Variants in ENSA observed in about 807,000 individuals in gnomAD.
ENSA encodes the protein alpha-endosulfine.
In ENSA, 7 loss-of-function variants were observed where a neutral mutation model predicts 16.8. The observed-to-expected ratio is 0.42, with a 90% CI of 0.24 to 0.78. The LOEUF is 0.78. Ranked by LOEUF, ENSA falls within the 30% of genes least tolerant of loss-of-function variation. The pLI is 0.29. For synonymous variants in ENSA, 58 were observed against 53.4 expected, an observed-to-expected ratio of 1.09 and a Z score of -0.37; for missense variants, 87 against 142.3, an observed-to-expected ratio of 0.61 and a Z score of 1.98.
chr1:150,622,733 G>T lies in ENSA; in HGVS notation c.*111C>A. On this transcript the variant is annotated 3_prime_UTR_variant, in exon 4 of 4. Coordinates refer to ENST00000369014, the MANE Select transcript of ENSA (RefSeq NM_004436.4). ...TTCTGCCTCTCCAGCCCACACCCGA[G>T]CCACCTCCTGACCCCTGGCTGCAAA... 8.0e-7 allele frequency: 1 copy of T among 1,252,862 alleles called. No individual in the cohort carries two copies. The allele number at this position is 1,252,862 out of a possible 1,614,324, so 77.6% of individuals were successfully genotyped here. A position where few individuals can be genotyped will look rare whatever the true frequency, so the allele number is the denominator to read the frequency against.
Position 150,625,780 on chromosome 1 carries a change from T to G in ENSA, c.212A>C (p.Asn71Thr). 6.2e-7 allele frequency: 1 copy of G among 1,610,412 alleles called. No homozygotes were observed. The highest frequency in any genetic ancestry group is 8.5e-7 in the Non-Finnish European group (1 of 1,178,066). ...ATTCTTCATCTTGGCTTTGGCCATG[T>G]TGTAGTCTCCTGAGTCAAAGTACTT... ...GQKYFDSGDY[N>T]MAKAKMKNKQ... Residue 71 changes from asparagine (N) to threonine (T), a missense_variant, in exon 3 of 4, where the codon AAC (asparagine) becomes ACC (threonine). Physicochemically the swap from Asn to Thr is moderately conservative, Grantham distance 65. Coordinates refer to ENST00000369014, the MANE Select transcript of ENSA (RefSeq NM_004436.4).
At chr1:150,628,960 T>C in intron 1 of ENSA, 1 of 1,265,132 alleles carries the variant, frequency 7.9e-7, no homozygotes, top group Non-Finnish European at 1.1e-6. Context: ...ACTACACTTC[T>C]CCCCTCCCCC....
chr1:150,628,837 T>C (rs942028495), intron 1 of ENSA, among the ~76,000 whole-genome samples: 1 of 152,168 alleles, frequency 6.6e-6, no homozygotes, highest in Non-Finnish European at 1.5e-5. Flanking sequence ...TGTTTGGAAC[T>C]CTAGCCCTCT....
chr1:150,628,129 T>C (rs1571016130), intron 1 of ENSA, among the ~76,000 whole-genome samples: 1 of 152,366 alleles, frequency 6.6e-6, no homozygotes, highest in South Asian at 2.1e-4. Context: ...AAACCCCGTC[T>C]CTACAACAAC....
Position 150,622,833 on chromosome 1 carries a change from C to G in ENSA, c.*11G>C. 1.3e-6 allele frequency: 2 copies of G among 1,560,036 alleles called. No homozygotes were observed. The highest frequency in any genetic ancestry group is 1.7e-6 in the Non-Finnish European group (2 of 1,152,000). On this transcript the variant is annotated 3_prime_UTR_variant, in exon 4 of 4. Coordinates refer to ENST00000369014, the MANE Select transcript of ENSA (RefSeq NM_004436.4). ...GAAGCGTCTCAGGATCTGGCAGAGC[C>G]CCGGGCAGCATCATTCAACTTGGCC...
In ENSA at chr1:150,622,684, G is replaced by T. The variant is rs1649044162; in HGVS notation, c.*160C>A. The T allele has an allele frequency of 8.1e-6, 5 of 615,908 alleles. No individual in the cohort carries two copies. Among genetic ancestry groups the T allele is most frequent in the Non-Finnish European group, 1.3e-5 (5 of 375,894 alleles). 38.2% of individuals were successfully genotyped at this position (615,908 alleles called of 1,614,324 possible). ...GTGCTCAGCCCAAGGGGCTCCATGTGCTGGGACACCAACAGGAAAGGGCTT... is the reference window on the plus strand; with the variant it reads ...GTGCTCAGCCCAAGGGGCTCCATGTTCTGGGACACCAACAGGAAAGGGCTT... On this transcript the variant is annotated 3_prime_UTR_variant, in exon 4 of 4. Coordinates refer to ENST00000369014, the MANE Select transcript of ENSA (RefSeq NM_004436.4).
chr1:150,623,576 GA>G (rs1215322448), intron 3 of ENSA: 1 of 985,020 alleles, frequency 1.0e-6, no homozygotes, highest in African/African-American at 1.8e-5. Flanking sequence ...AGACAGAAAA[GA>G]AAAAAAGTAC....
intron 1 of ENSA, 31 bp downstream of exon 1, chr1:150,629,383 A>AGCTC (rs766844905): frequency 9.3e-6 from 15 of 1,607,288 alleles, no homozygotes; most frequent in Admixed American, 6.7e-5. Flanking sequence ...CGGTCTCCCC[A>AGCTC]GCTCGCCCGC....
intron 1 of ENSA, 57 bp downstream of exon 1, chr1:150,629,357 G>A (rs587759689): frequency 1.3e-6 from 2 of 1,590,758 alleles, no homozygotes; most frequent in East Asian, 2.2e-5. Flanking sequence ...GTGGGAGACC[G>A]TCTCCCGCCC....
chr1:150,625,580 C>T (rs1649243547), intron 3 of ENSA, 62 bp downstream of exon 3: 31 of 1,483,102 alleles, frequency 2.1e-5, no homozygotes, highest in South Asian at 1.8e-4. Flanking sequence ...CATTTCATCC[C>T]TGCCTATAAT....
At chr1:150,626,370 C>G in intron 2 of ENSA, 2 of 1,013,016 alleles carry the variant, frequency 2.0e-6, no homozygotes, top group Non-Finnish European at 3.1e-6. Context: ...CTGTGACAGC[C>G]TGCCCACGCC....
In ENSA at chr1:150,622,591, A is replaced by T; in HGVS notation, c.*253T>A. Reference sequence around the variant, plus strand: ...CTTTCAACCCCACCCCCACCCCCAGAATTTCATTGATATTTCTCCCAACTG... The same window carrying T: ...CTTTCAACCCCACCCCCACCCCCAGTATTTCATTGATATTTCTCCCAACTG... On this transcript the variant is annotated 3_prime_UTR_variant, in exon 4 of 4. Coordinates refer to ENST00000369014, the MANE Select transcript of ENSA (RefSeq NM_004436.4). 1 of 75,854 alleles carries T rather than the reference A, an allele frequency of 1.3e-5. No homozygotes were observed. The highest frequency in any genetic ancestry group is 4.1e-4 in the East Asian group (1 of 2,420). The allele number at this position is 75,854 out of a possible 1,614,324, so 4.7% of individuals were successfully genotyped here.
chr1:150,622,950 A>T, intron 3 of ENSA, 91 bp from the exon 4 acceptor site: 1 of 1,448,952 alleles, frequency 6.9e-7, no homozygotes, highest in Non-Finnish European at 9.3e-7. Context: ...TCTCTACCCC[A>T]TGATTCCTCC....
At chr1:150,628,752 G>T (rs1276200264) in intron 1 of ENSA, among the ~76,000 whole-genome samples, 10 of 152,124 alleles carry the variant, frequency 6.6e-5, no homozygotes, top group Non-Finnish European at 1.3e-4. Context: ...CCCTGCCTTG[G>T]AAGTCTAGGG....
intron 1 of ENSA, chr1:150,629,094 A>C (rs763030742): frequency 6.2e-7 from 1 of 1,613,962 alleles, no homozygotes; most frequent in East Asian, 2.2e-5. Context: ...CACACCCAAG[A>C]CCACCAGCCA....
intron 1 of ENSA, 30 bp from the exon 2 acceptor site, chr1:150,627,622 T>A: frequency 6.3e-7 from 1 of 1,585,834 alleles, no homozygotes; most frequent in Non-Finnish European, 8.5e-7. Flanking sequence ...CAAATAAAAT[T>A]AAAGACTGAG....
intron 3 of ENSA, chr1:150,624,553 G>A (rs1215107221): frequency 1.0e-5 from 10 of 985,778 alleles, no homozygotes; most frequent in Non-Finnish European, 1.2e-5. Context: ...GAGGCAAGAA[G>A]CTTCCATGGC....
chr1:150,625,599 G>A (rs587619112), intron 3 of ENSA, 43 bp downstream of exon 3: 166 of 1,542,724 alleles, frequency 1.1e-4, no homozygotes, highest in Non-Finnish European at 1.3e-4. Context: ...ATATATAAAC[G>A]TCCAGTGGTT....
chr1:150,626,480 A>G (rs1449388271), intron 2 of ENSA: 1 of 1,612,482 alleles, frequency 6.2e-7, no homozygotes, highest in South Asian at 1.1e-5. Flanking sequence ...TTCACCCACC[A>G]TTTCATCCGC....
Sources: allele counts gnomAD v4.1 joint callset (sites outside exome capture counted in the v4.1 genomes callset), GRCh38; gene constraint gnomAD v4.1.1; transcripts MANE v1.5; gene names NCBI Gene and HGNC (gene_info 2026-07-23, HGNC 2026-07-21).